Variants in LCLAT1 observed in about 807,000 individuals in gnomAD.
The protein encoded by LCLAT1 is lysocardiolipin acyltransferase 1, also known as 1-AGP acyltransferase 8.
In LCLAT1, 11 loss-of-function variants were observed where a neutral mutation model predicts 30.7. The observed-to-expected ratio is 0.36, with a 90% CI of 0.23 to 0.59. The LOEUF is 0.59. Ranked by LOEUF, LCLAT1 falls within the 20% of genes least tolerant of loss-of-function variation. The pLI, the probability that LCLAT1 is intolerant of heterozygous loss-of-function variation, is 0.77. For missense variants in LCLAT1, 402 were observed against 458.6 expected (o/e 0.88, Z 1.13); for synonymous variants, 155 against 151.3 (o/e 1.02, Z -0.18).
At chr2:30,553,020 G>A (rs556852148) in intron 3 of LCLAT1, among the ~76,000 whole-genome samples, 14 of 152,240 alleles carry the variant, frequency 9.2e-5, no homozygotes, top group Admixed American at 2.6e-4. Flanking sequence ...TAGTGCCATA[G>A]TAGATGCCAT....
intron 1 of LCLAT1, among the ~76,000 whole-genome samples, chr2:30,448,792 C>A (rs1429651390): frequency 6.6e-6 from 1 of 152,308 alleles, no homozygotes; most frequent in East Asian, 1.9e-4. Flanking sequence ...GATTCTAGTC[C>A]AAACTCTGCC....
chr2:30,503,477 G>A (rs1270556035), intron 1 of LCLAT1, among the ~76,000 whole-genome samples: 2 of 152,080 alleles, frequency 1.3e-5, no homozygotes, highest in Non-Finnish European at 2.9e-5. Context: ...TTGAAAAGTA[G>A]TCCCTTAAAT....
Position 30,568,074 on chromosome 2 carries a change from C to T in LCLAT1, c.526C>T (p.Arg176Ter), listed in dbSNP as rs752850355. 3.2e-6 allele frequency: 5 copies of T among 1,560,446 alleles called. No individual in the cohort carries two copies. The South Asian group carries it at 3.4e-5, about 11-fold the overall frequency. ...GTDLTENSKS[R>*]SNAFAEKNGL... The stretch of plus-strand genomic sequence containing the variant: ...GTTTTGTTTAGAAAACAGCAAGTCT[C>T]GAAGTAATGCATTTGCTGAAAAAAA... The change falls in exon 5 of 6, where the codon CGA becomes TGA. Residue 176 changes from arginine to a stop codon, truncating the protein, a stop_gained. Transcript: ENST00000379509. LOFTEE classifies it high-confidence loss of function.
chr2:30,571,358 G>A (rs757898611), intron 5 of LCLAT1, among the ~76,000 whole-genome samples: 12 of 152,128 alleles, frequency 7.9e-5, no homozygotes, highest in Non-Finnish European at 1.6e-4. Context: ...TCTTGTTTGT[G>A]GGACGCTCAT....
chr2:30,550,250 C>T (rs1015073420), intron 3 of LCLAT1, among the ~76,000 whole-genome samples: 4 of 152,156 alleles, frequency 2.6e-5, no homozygotes, highest in Non-Finnish European at 5.9e-5. Context: ...CACCCAGCTT[C>T]TCTGATGTTA....
chr2:30,455,445 C>A (rs755058772), intron 1 of LCLAT1, among the ~76,000 whole-genome samples: 6 of 152,198 alleles, frequency 3.9e-5, no homozygotes, highest in Non-Finnish European at 5.9e-5. Context: ...ATCACGGTGT[C>A]AGAGGGCCAC....
chr2:30,578,071 A>T (rs756118370), intron 5 of LCLAT1, among the ~76,000 whole-genome samples: 1 of 152,094 alleles, frequency 6.6e-6, no homozygotes, highest in Non-Finnish European at 1.5e-5. Context: ...ATTTATGTAG[A>T]TAGTTGTTTG....
chr2:30,628,053 A>C (rs1572716101), intron 5 of LCLAT1, among the ~76,000 whole-genome samples: 1 of 152,346 alleles, frequency 6.6e-6, no homozygotes, highest in East Asian at 1.9e-4. Flanking sequence ...ACAATAAAAA[A>C]AATTTGTAAG....
At chr2:30,633,463 C>T (rs915422193) in intron 5 of LCLAT1, among the ~76,000 whole-genome samples, 9 of 152,128 alleles carry the variant, frequency 5.9e-5, no homozygotes, top group East Asian at 5.8e-4. Context: ...CCGAGGCGGG[C>T]GGATCACGAG....
At chr2:30,476,303 C>A (rs1020366158) in intron 1 of LCLAT1, 1 of 440,772 alleles carries the variant, frequency 2.3e-6, no homozygotes, top group African/African-American at 2.0e-5. Context: ...TGCCCAGGGT[C>A]ACACAGTAAG....
intron 5 of LCLAT1, among the ~76,000 whole-genome samples, chr2:30,604,286 C>T (rs1458465496): frequency 6.6e-6 from 1 of 152,100 alleles, no homozygotes; most frequent in African/African-American, 2.4e-5. Context: ...TTCTTTAGGA[C>T]TGTGACTTCT....
At chr2:30,521,690 A>G (rs1388875069) in intron 1 of LCLAT1, among the ~76,000 whole-genome samples, 1 of 151,468 alleles carries the variant, frequency 6.6e-6, no homozygotes, top group African/African-American at 2.4e-5. Context: ...TATTTTTAGT[A>G]GAGATGGGGT....
chr2:30,508,916 A>G (rs1398077716), intron 1 of LCLAT1, among the ~76,000 whole-genome samples: 4 of 152,054 alleles, frequency 2.6e-5, no homozygotes, highest in African/African-American at 9.7e-5. Context: ...ATGTTTTTCC[A>G]TTTGTTTGTG....
At chr2:30,455,891 C>T (rs998173740) in intron 1 of LCLAT1, among the ~76,000 whole-genome samples, 12 of 111,886 alleles carry the variant, frequency 1.1e-4, no homozygotes, top group African/African-American at 3.7e-4. Flanking sequence ...GCCTGGGTGA[C>T]GGAGTGAGAC....
At chr2:30,539,714 TC>T (rs923775275) in intron 3 of LCLAT1, among the ~76,000 whole-genome samples, 46 of 152,214 alleles carry the variant, frequency 3.0e-4, no homozygotes, top group African/African-American at 1.1e-3. Context: ...AAAAAAATTT[TC>T]AACTCGGGTA....
intron 5 of LCLAT1, among the ~76,000 whole-genome samples, chr2:30,610,009 A>ATAAAGG (rs1667656770): frequency 6.6e-6 from 1 of 152,136 alleles, no homozygotes; most frequent in African/African-American, 2.4e-5. Context: ...TTTTAAGCAC[A>ATAAAGG]TAAAGGCAAT....
chr2:30,603,871 A>G (rs1461097347), intron 5 of LCLAT1, among the ~76,000 whole-genome samples: 1 of 152,184 alleles, frequency 6.6e-6, no homozygotes, highest in Non-Finnish European at 1.5e-5. Flanking sequence ...CTTCTAGCAG[A>G]GAGTATGGGG....
chr2:30,450,980 C>T (rs201532507), intron 1 of LCLAT1, among the ~76,000 whole-genome samples: 24 of 151,674 alleles, frequency 1.6e-4, no homozygotes, highest in African/African-American at 4.1e-4. Context: ...GGACTCATAC[C>T]GTGTGTGTGT....
chr2:30,529,049 A>G (rs1333957786), intron 2 of LCLAT1, among the ~76,000 whole-genome samples: 1 of 152,208 alleles, frequency 6.6e-6, no homozygotes, highest in Non-Finnish European at 1.5e-5. Context: ...TTTTAAATTC[A>G]GAGTGAATTT....
Sources: gnomAD v4.1 joint callset for allele counts (sites outside exome capture counted in the v4.1 genomes callset) on GRCh38, gnomAD v4.1.1 for gene constraint, MANE v1.5 for transcripts, NCBI Gene and HGNC (gene_info 2026-07-23, HGNC 2026-07-21) for gene names.